The following ARHGAP35 variants were observed in gnomAD, a reference collection of about 807,000 sequenced individuals.
ARHGAP35 encodes Rho GTPase activating protein 35, also known as rho GTPase-activating protein 35.
ARHGAP35 carries 15 observed loss-of-function variants against 111.1 expected under a neutral mutation model. The ratio of observed to expected loss-of-function variants is 0.13; its 90% CI spans 0.09 to 0.21. ARHGAP35 has a LOEUF of 0.21. Ranked by LOEUF, ARHGAP35 falls within the 10% of genes least tolerant of loss-of-function variation. The pLI, the probability that ARHGAP35 is intolerant of heterozygous loss-of-function variation, is 1.00. For missense variants in ARHGAP35, 1,262 were observed against 1,873.0 expected, an observed-to-expected ratio of 0.67 and a Z score of 6.02; for synonymous variants, 643 against 710.3, an observed-to-expected ratio of 0.91 and a Z score of 1.51.
intron 3 of ARHGAP35, among the ~76,000 whole-genome samples, chr19:46,971,660 T>G (rs1207174621): frequency 6.6e-6 from 1 of 151,284 alleles, no homozygotes; most frequent in African/African-American, 2.4e-5. Flanking sequence ...CCACCACACC[T>G]GGCTAATTTT....
chr19:46,889,092 G>T (rs1470740685), intron 1 of ARHGAP35, among the ~76,000 whole-genome samples: 2 of 152,172 alleles, frequency 1.3e-5, no homozygotes, highest in South Asian at 4.1e-4. Flanking sequence ...GCCGAGGCAG[G>T]TGGATCACCC....
chr19:46,902,472 G>A (rs555898585), intron 1 of ARHGAP35, among the ~76,000 whole-genome samples: 8 of 152,128 alleles, frequency 5.3e-5, no homozygotes, highest in South Asian at 4.1e-4. Context: ...TTAGGGGAGC[G>A]GAGAAAGGGG....
At chr19:46,885,022 G>T (rs1409110427) in intron 1 of ARHGAP35, among the ~76,000 whole-genome samples, 1 of 152,076 alleles carries the variant, frequency 6.6e-6, no homozygotes, top group East Asian at 1.9e-4. Context: ...CTGGCCCAGG[G>T]GTCTATATCT....
rs1365685072 is a variant in ARHGAP35 at position 46,921,309 on chromosome 19, G to C, written c.2634G>C (p.Gln878His). Reference sequence around the variant, plus strand: ...TACGTGCCTTTCTTTGTGAAGTGCAGGATATTATCCCTATTCAGCTTGTAG... The same window carrying C: ...TACGTGCCTTTCTTTGTGAAGTGCACGATATTATCCCTATTCAGCTTGTAG... ...AMLRAFLCEV[Q>H]DIIPIQLVAL... is the part of the protein sequence containing the mutation. The change falls in exon 2 of 7, where the codon CAG becomes CAC. Residue 878 changes from glutamine to histidine, a missense_variant. Gln to His is a conservative substitution (Grantham distance 24). Coordinates refer to ENST00000672722, the MANE Select transcript of ARHGAP35 (RefSeq NM_004491.5). This position sits in a 1 kb window ranked among gnomAD's most constrained non-coding sequence, Gnocchi z 4.3. The C allele has an allele frequency of 6.2e-7, 1 of 1,613,828 alleles. No individual in the cohort carries two copies. The highest frequency in any genetic ancestry group is 1.3e-5 in the African/African-American group (1 of 74,864).
rs1599817954 is a variant in ARHGAP35, at chr19:46,920,088, T to C, written c.1413T>C (p.Ser471=). The change falls in exon 2 of 7, where the codon TCT becomes TCC. Residue 471 remains serine, a synonymous_variant. Coordinates refer to ENST00000672722, the MANE Select transcript of ARHGAP35 (RefSeq NM_004491.5). This position sits in a 1 kb window ranked among gnomAD's most constrained non-coding sequence, Gnocchi z 7.0. The part of the protein sequence containing the change: ...NEDFYQWLEE[S]VYMDIYGKHQ... Reference sequence around the variant, plus strand: ...ATTTCTACCAGTGGCTGGAGGAATCTGTATACATGGATATTTATGGCAAAC... The same window carrying C: ...ATTTCTACCAGTGGCTGGAGGAATCCGTATACATGGATATTTATGGCAAAC... The C allele has an allele frequency of 2.5e-6, 4 of 1,613,784 alleles. No homozygotes were observed. In the East Asian group the frequency reaches 8.9e-5, roughly 36 times the overall value.
Position 47,000,239 on chromosome 19 carries a change from G to T in ARHGAP35, c.4143-92G>T, listed in dbSNP as rs993213978. 8.2e-6 allele frequency: 11 copies of T among 1,342,048 alleles called. No individual in the cohort carries two copies. Among genetic ancestry groups the T allele is most frequent in the Non-Finnish European group, 1.1e-5 (11 of 970,882 alleles). 83.1% of individuals were successfully genotyped at this position (1,342,048 alleles called of 1,614,324 possible). On this transcript the variant is annotated intron_variant, in intron 6 of 6. Coordinates refer to ENST00000672722, the MANE Select transcript of ARHGAP35 (RefSeq NM_004491.5). The surrounding 1 kb of genome is among the most constrained non-coding windows in gnomAD (Gnocchi z 6.9). The stretch of plus-strand genomic sequence containing the variant: ...TTCTGCTCCACCTGAGGGAAGAAAG[G>T]TGGGCTCAGCCTGGGTGCTGAAGAC...
chr19:46,977,572 C>CA (rs2056586219), intron 3 of ARHGAP35, among the ~76,000 whole-genome samples: 1 of 152,210 alleles, frequency 6.6e-6, no homozygotes. Flanking sequence ...GCCCAATACA[C>CA]AGACGGGTGA....
chr19:46,869,171 T>C (rs1021628893), intron 1 of ARHGAP35, among the ~76,000 whole-genome samples: 2 of 151,908 alleles, frequency 1.3e-5, no homozygotes, highest in African/African-American at 4.8e-5. Context: ...CCTCCCAGAG[T>C]GCTGGGATTA....
At chr19:46,990,245 T>G (rs2056672753) in intron 5 of ARHGAP35, among the ~76,000 whole-genome samples, 1 of 152,220 alleles carries the variant, frequency 6.6e-6, no homozygotes. Context: ...CTGTAGCAAA[T>G]TAGCACCTCT....
At position 46,922,286 on chromosome 19, in the gene ARHGAP35, T is replaced by C. The variant is rs985060376; in HGVS notation, c.3611T>C (p.Val1204Ala). 7 of 1,613,842 alleles carry C rather than the reference T, an allele frequency of 4.3e-6. No homozygotes were observed. In the South Asian group the frequency reaches 7.7e-5, roughly 18 times the overall value. Residue 1204 changes from valine to alanine, a missense_variant, in exon 2 of 7, where the codon GTC becomes GCC. This residue lies in a region of ARHGAP35 where 579 missense variants were observed against 716.9 expected (regional missense o/e 0.81). Coordinates refer to ENST00000672722, the MANE Select transcript of ARHGAP35 (RefSeq NM_004491.5). The surrounding 1 kb of genome is among the most constrained non-coding windows in gnomAD (Gnocchi z 4.0). ...ASQGYKGDNA[V>A]IPYETDEDPR... The stretch of plus-strand genomic sequence containing the variant: ...CAGGGTTATAAAGGGGACAATGCTG[T>C]CATTCCATACGAAACAGACGAAGAC...
Position 46,922,640 on chromosome 19 carries a change from A to G in ARHGAP35, c.3681+284A>G, listed in dbSNP as rs2056210305. 6.6e-6 allele frequency among the ~76,000 whole-genome samples: 1 copy of G among 152,218 alleles called. No homozygotes were observed. Among genetic ancestry groups the G allele is most frequent in the Admixed American group, 6.5e-5 (1 of 15,282 alleles). ...TGCAGAACTTGTCAGTGTCTTGACA[A>G]GTGGCCAAGCGCAGTGACAATACAC... On this transcript the variant is annotated intron_variant, in intron 2 of 6. Coordinates refer to ENST00000672722, the MANE Select transcript of ARHGAP35 (RefSeq NM_004491.5). The surrounding 1 kb of genome is among the most constrained non-coding windows in gnomAD (Gnocchi z 4.0).
intron 2 of ARHGAP35, among the ~76,000 whole-genome samples, chr19:46,930,408 C>T (rs1279953314): frequency 6.7e-6 from 1 of 149,446 alleles, no homozygotes; most frequent in African/African-American, 2.5e-5. Flanking sequence ...CCCCACCACC[C>T]CACCTGCTTC....
In ARHGAP35 at chr19:46,916,381, C is replaced by T. The variant is rs531046113; in HGVS notation, c.-188-2107C>T. On this transcript the variant is annotated intron_variant, in intron 1 of 6. Coordinates refer to ENST00000672722, the MANE Select transcript of ARHGAP35 (RefSeq NM_004491.5). ...TTGCGGAGGGAAGGGTCTGTGCACA[C>T]TCTGTCCCTCTGTCTTAAATGCACT... Among the ~76,000 whole-genome samples the T allele has an allele frequency of 1.1e-4, 15 of 136,298 alleles. No homozygotes were observed. In the South Asian group the frequency reaches 3.6e-3, roughly 33 times the overall value. 89.4% of individuals were successfully genotyped at this position (136,298 alleles called of 152,430 possible).
At chr19:46,877,788 C>T (rs1159279021) in intron 1 of ARHGAP35, among the ~76,000 whole-genome samples, 2 of 151,868 alleles carry the variant, frequency 1.3e-5, no homozygotes, top group East Asian at 3.9e-4. Flanking sequence ...CTCACTGCAA[C>T]CTCTGCCTCC....
At chr19:46,867,942 C>T (rs2055867432) in intron 1 of ARHGAP35, among the ~76,000 whole-genome samples, 1 of 152,232 alleles carries the variant, frequency 6.6e-6, no homozygotes, top group African/African-American at 2.4e-5. Context: ...TCTCAGCTCA[C>T]TACAAAGTCC....
intron 5 of ARHGAP35, among the ~76,000 whole-genome samples, chr19:46,996,144 C>T (rs561812499): frequency 6.6e-6 from 1 of 152,282 alleles, no homozygotes; most frequent in South Asian, 2.1e-4. Context: ...TGCTCTGTCA[C>T]CCAGGCTGGA....
intron 1 of ARHGAP35, among the ~76,000 whole-genome samples, chr19:46,888,166 A>G (rs1376794043): frequency 6.8e-6 from 1 of 146,578 alleles, no homozygotes; most frequent in Non-Finnish European, 1.5e-5. Context: ...GTTAGCCAGG[A>G]TGGTCTCGAT....
intron 3 of ARHGAP35, among the ~76,000 whole-genome samples, chr19:46,961,934 AAGAG>A (rs757246560): frequency 2.0e-5 from 3 of 152,040 alleles, no homozygotes; most frequent in Non-Finnish European, 4.4e-5. Context: ...TGCCTCAAAA[AAGAG>A]AGAGAGAAAG....
At chr19:46,865,720 C>A (rs900392224) in intron 1 of ARHGAP35, among the ~76,000 whole-genome samples, 1 of 152,192 alleles carries the variant, frequency 6.6e-6, no homozygotes, top group East Asian at 1.9e-4. Context: ...GTCTGCTTCC[C>A]AACTTTGGTC....
Sources: gnomAD v4.1 joint callset for allele counts (sites outside exome capture counted in the v4.1 genomes callset) on GRCh38, gnomAD v4.1.1 for gene constraint, gnomAD v4.1.1 regional missense constraint, Gnocchi (gnomAD v3.1) non-coding constraint, MANE v1.5 for transcripts, NCBI Gene and HGNC (gene_info 2026-07-23, HGNC 2026-07-21) for gene names.